Variants in CORO2A observed in about 807,000 individuals in gnomAD.
CORO2A encodes the protein coronin 2A, also known as coronin-2A.
In CORO2A, 47 loss-of-function variants were observed where a neutral mutation model predicts 62.4. The observed-to-expected ratio is 0.75, with a 90% confidence interval of 0.60 to 0.96. The LOEUF (loss-of-function observed/expected upper bound fraction) is 0.96, where lower values mean the gene tolerates loss of function less well. Among genes scored for constraint, CORO2A ranks in the 40% least tolerant of loss-of-function variants. The pLI is 0.00. For missense variants in CORO2A, 610 were observed against 684.1 expected, an observed-to-expected ratio of 0.89 and a Z score of 1.21; for synonymous variants, 273 against 268.9, an observed-to-expected ratio of 1.02 and a Z score of -0.15.
chr9:98,167,460 A>G (rs1321587855), intron 1 of CORO2A, among the ~76,000 whole-genome samples: 1 of 152,242 alleles, frequency 6.6e-6, no homozygotes. Context: ...GATGGCAAAT[A>G]CTATGTTATG....
At chr9:98,156,068 T>TTTTTG (rs1554745260) in intron 2 of CORO2A, among the ~76,000 whole-genome samples, 1 of 128,176 alleles carries the variant, frequency 7.8e-6, no homozygotes, top group Non-Finnish European at 1.7e-5. Context: ...TTTTTTTTTT[T>TTTTTG]GAGACAGGGT....
Position 98,129,820 on chromosome 9 carries a change from C to T in CORO2A, c.941G>A (p.Arg314His), listed in dbSNP as rs144120813. 4.0e-5 allele frequency: 64 copies of T among 1,613,892 alleles called. No individual in the cohort carries two copies. The African/African-American group carries it at 4.9e-4, about 12-fold the overall frequency. Reference protein sequence around the residue: ...KPHLSYLTEYRSYNPQKGIGV... With the variant: ...KPHLSYLTEYHSYNPQKGIGV... ...GATCCCCTTCTGTGGGTTATAGGAG[C>T]GGTACTCAGTCAGGTAGCTCAGGTG... The change falls in exon 8 of 12, where the codon CGC (arginine) becomes CAC (histidine). Residue 314 changes from arginine (R) to histidine (H), a missense_variant. Coordinates refer to ENST00000375077, the MANE Select transcript of CORO2A (RefSeq NM_052820.4).
intron 1 of CORO2A, among the ~76,000 whole-genome samples, chr9:98,187,458 CA>C (rs10532253): frequency 0.4 from 51,186 of 126,870 alleles, 10,060 homozygotes; most frequent in East Asian, 0.51. Flanking sequence ...AACTCCATCT[CA>C]AAAAAAAAAA....
intron 2 of CORO2A, 41 bp from the exon 3 acceptor site, chr9:98,137,729 T>TCCA: frequency 3.5e-6 from 5 of 1,433,216 alleles, no homozygotes; most frequent in Non-Finnish European, 4.9e-6. Context: ...GGAGGTGGAT[T>TCCA]CCACATTAGC....
At chr9:98,181,178 A>G (rs1474578532) in intron 1 of CORO2A, among the ~76,000 whole-genome samples, 1 of 151,060 alleles carries the variant, frequency 6.6e-6, no homozygotes, top group Non-Finnish European at 1.5e-5. Flanking sequence ...TGTGTCCCCC[A>G]GCGCGACTCC....
chr9:98,140,890 C>T (rs1235585913), intron 2 of CORO2A, among the ~76,000 whole-genome samples: 4 of 152,086 alleles, frequency 2.6e-5, no homozygotes, highest in East Asian at 1.9e-4. Flanking sequence ...GAGGGGACAA[C>T]GCTATAAAGG....
At chr9:98,165,479 C>T (rs922252782) in intron 1 of CORO2A, among the ~76,000 whole-genome samples, 1 of 152,180 alleles carries the variant, frequency 6.6e-6, no homozygotes, top group Non-Finnish European at 1.5e-5. Flanking sequence ...GCTTATTCTG[C>T]GCCAAGCCGT....
chr9:98,128,127 G>A (rs1317412371), intron 10 of CORO2A, 43 bp downstream of exon 10: 1 of 1,525,856 alleles, frequency 6.6e-7, no homozygotes, highest in East Asian at 2.3e-5. Flanking sequence ...GGCACGCCAT[G>A]TTCCTGTCAC....
chr9:98,186,273 GT>G (rs1437885196), intron 1 of CORO2A, among the ~76,000 whole-genome samples: 31 of 152,108 alleles, frequency 2.0e-4, no homozygotes, highest in African/African-American at 7.5e-4. Flanking sequence ...CAGGAGAGGG[GT>G]GGCTGGCGGG....
chr9:98,171,010 C>A (rs1828026924), intron 1 of CORO2A, among the ~76,000 whole-genome samples: 1 of 152,174 alleles, frequency 6.6e-6, no homozygotes, highest in Non-Finnish European at 1.5e-5. Context: ...TCTGTTTAAT[C>A]CCCCAAATCA....
chr9:98,131,378 T>C (rs1587992033), intron 6 of CORO2A, among the ~76,000 whole-genome samples: 1 of 149,754 alleles, frequency 6.7e-6, no homozygotes, highest in African/African-American at 2.5e-5. Flanking sequence ...CAGGCTGGAG[T>C]GCAGTGGTGC....
intron 1 of CORO2A, among the ~76,000 whole-genome samples, chr9:98,182,814 C>G (rs1233877207): frequency 6.6e-6 from 1 of 152,222 alleles, no homozygotes; most frequent in African/African-American, 2.4e-5. Context: ...TCAAATGATT[C>G]CAAGACAGCT....
chr9:98,141,867 G>A (rs143540754), intron 2 of CORO2A, among the ~76,000 whole-genome samples: 2 of 152,238 alleles, frequency 1.3e-5, no homozygotes, highest in African/African-American at 4.8e-5. Flanking sequence ...ACAGTCAGGT[G>A]TTACTGTAAG....
At chr9:98,136,801 T>TA (rs1827491301) in intron 3 of CORO2A, among the ~76,000 whole-genome samples, 1 of 152,238 alleles carries the variant, frequency 6.6e-6, no homozygotes, top group African/African-American at 2.4e-5. Context: ...GGGCTCACAA[T>TA]AAATGGTGAC....
intron 3 of CORO2A, among the ~76,000 whole-genome samples, chr9:98,135,686 C>G (rs562913847): frequency 6.6e-6 from 1 of 152,304 alleles, no homozygotes; most frequent in Admixed American, 6.5e-5. Context: ...CCTTATTGGT[C>G]CTGCAAGGTT....
intron 11 of CORO2A, among the ~76,000 whole-genome samples, chr9:98,125,365 G>C (rs1827301807): frequency 6.6e-6 from 1 of 152,150 alleles, no homozygotes; most frequent in Non-Finnish European, 1.5e-5. Flanking sequence ...CCCCTATAAG[G>C]GTGGCAGTGC....
intron 3 of CORO2A, 89 bp from the exon 4 acceptor site, chr9:98,135,044 CAGA>C (rs1827467147): frequency 6.6e-7 from 1 of 1,526,086 alleles, no homozygotes; most frequent in Non-Finnish European, 8.8e-7. Context: ...CAGTGACCAG[CAGA>C]AGGACCAAGG....
intron 10 of CORO2A, 152 bp from the exon 11 acceptor site, chr9:98,126,975 C>T: frequency 3.7e-6 from 3 of 812,582 alleles, no homozygotes; most frequent in Non-Finnish European, 5.9e-6. Flanking sequence ...TGGACAGGCC[C>T]AAACCCACAG....
At position 98,126,532 on chromosome 9, in the gene CORO2A, C is replaced by T. The variant is rs1827321227; in HGVS notation, c.1446+17G>A. Reference sequence around the variant, plus strand: ...CAGCTGCCCCATGTGAAAGGCCCACCCCGTCCTCCTTCACACCTCATTCTC... The same window carrying T: ...CAGCTGCCCCATGTGAAAGGCCCACTCCGTCCTCCTTCACACCTCATTCTC... On this transcript the variant is annotated intron_variant, in intron 11 of 11. Coordinates refer to ENST00000375077, the MANE Select transcript of CORO2A (RefSeq NM_052820.4). 6.2e-7 allele frequency: 1 copy of T among 1,607,368 alleles called. No homozygotes were observed. Among genetic ancestry groups the T allele is most frequent in the Non-Finnish European group, 8.5e-7 (1 of 1,175,058 alleles).
Sources: gnomAD v4.1 joint callset for allele counts (sites outside exome capture counted in the v4.1 genomes callset) on GRCh38, gnomAD v4.1.1 for gene constraint, MANE v1.5 for transcripts, NCBI Gene and HGNC (gene_info 2026-07-23, HGNC 2026-07-21) for gene names.